LMO7: variants seen among roughly 807,000 people sequenced by gnomAD.
LMO7 encodes LIM domain 7.
LMO7 carries 120 observed loss-of-function variants against 206.5 expected under a neutral mutation model. The ratio of observed to expected loss-of-function variants is 0.58; its 90% CI spans 0.50 to 0.68. LMO7 has a LOEUF of 0.68. LMO7 is among the 30% of genes least tolerant of loss of function. LMO7 has a pLI of 0.00. For missense variants in LMO7, 1,959 were observed against 1,957.9 expected, an observed-to-expected ratio of 1.00 and a Z score of -0.01; for synonymous variants, 706 against 681.5, an observed-to-expected ratio of 1.04 and a Z score of -0.56.
chr13:75,856,450 C>A, intron 29 of LMO7, 56 bp from the exon 30 acceptor site: 1 of 1,031,356 alleles, frequency 9.7e-7, no homozygotes, highest in Non-Finnish European at 1.5e-6. Context: ...CCCAGGAGTG[C>A]CCCAAGCTTT....
intron 1 of LMO7, among the ~76,000 whole-genome samples, chr13:75,688,062 G>A (rs1031691145): frequency 3.3e-5 from 5 of 152,170 alleles, no homozygotes; most frequent in African/African-American, 9.7e-5. Context: ...CGTAAGATGT[G>A]CCCTTCTCCT....
chr13:75,695,362 G>A (rs1255111312), intron 1 of LMO7, among the ~76,000 whole-genome samples: 1 of 152,122 alleles, frequency 6.6e-6, no homozygotes, highest in Admixed American at 6.5e-5. Context: ...ATTCCATTTT[G>A]GAATTTATTT....
intron 3 of LMO7, among the ~76,000 whole-genome samples, chr13:75,732,349 TC>T (rs2045332168): frequency 7.9e-6 from 1 of 127,334 alleles, no homozygotes; most frequent in African/African-American, 3.1e-5. Flanking sequence ...TCTCTAAACT[TC>T]CCTTCTTGCT....
chr13:75,713,656 G>A (rs768181170), intron 2 of LMO7, among the ~76,000 whole-genome samples: 1 of 152,124 alleles, frequency 6.6e-6, no homozygotes, highest in Non-Finnish European at 1.5e-5. Flanking sequence ...AAATCATGAT[G>A]ATTGGAGTGG....
chr13:75,666,528 A>G (rs2039085124), intron 1 of LMO7, among the ~76,000 whole-genome samples: 1 of 152,168 alleles, frequency 6.6e-6, no homozygotes, highest in African/African-American at 2.4e-5. Context: ...TTGGTGCTGC[A>G]TTGAGAACTT....
At chr13:75,794,968 C>T (rs1429090784) in intron 4 of LMO7, among the ~76,000 whole-genome samples, 1 of 152,096 alleles carries the variant, frequency 6.6e-6, no homozygotes, top group Non-Finnish European at 1.5e-5. Context: ...CAAAAAACCC[C>T]TCGCTTTTAT....
intron 28 of LMO7, among the ~76,000 whole-genome samples, chr13:75,853,806 C>T (rs1324774636): frequency 6.6e-6 from 1 of 152,206 alleles, no homozygotes; most frequent in African/African-American, 2.4e-5. Context: ...TACAAACTCA[C>T]AGGAACTGAG....
chr13:75,824,001 G>A (rs2057862067), intron 15 of LMO7, 128 bp downstream of exon 15: 1 of 737,816 alleles, frequency 1.4e-6, no homozygotes. Context: ...TGATATTCTG[G>A]TTTACTTTGA....
In LMO7 at chr13:75,807,533, C is replaced by A. The variant is rs774648026; in HGVS notation, c.1250C>A (p.Ser417Tyr). 3 of 1,613,854 alleles carry A rather than the reference C, an allele frequency of 1.9e-6. No homozygotes were observed. Among genetic ancestry groups the A allele is most frequent in the Non-Finnish European group, 2.5e-6 (3 of 1,179,846 alleles). ...LQTYSDDILS[S>Y]ETHTKIDPTS... is the part of the protein sequence containing the mutation. ...ACATACTCTGATGACATCTTGTCTT[C>A]TGAAACACATACCAAAATTGATCCC... Residue 417 changes from serine (S) to tyrosine (Y), a missense_variant, in exon 10 of 31, where the codon TCT becomes TAT. Physicochemically the swap from Ser to Tyr is moderately radical, Grantham distance 144. Coordinates refer to ENST00000377534, the MANE Select transcript of LMO7 (RefSeq NM_001306080.2).
intron 2 of LMO7, among the ~76,000 whole-genome samples, chr13:75,726,811 T>C (rs1214940889): frequency 6.6e-6 from 1 of 152,114 alleles, no homozygotes; most frequent in Non-Finnish European, 1.5e-5. Context: ...TGTCTCCACA[T>C]AAAGGATATA....
intron 7 of LMO7, among the ~76,000 whole-genome samples, chr13:75,803,286 G>A (rs754302972): frequency 4.6e-5 from 7 of 152,212 alleles, no homozygotes; most frequent in Non-Finnish European, 1.0e-4. Flanking sequence ...CCAGGCAGGA[G>A]GGAGGGGAAG....
At chr13:75,681,706 G>GTGTGTATATATATATATA (rs1259746833) in intron 1 of LMO7, among the ~76,000 whole-genome samples, 6 of 93,308 alleles carry the variant, frequency 6.4e-5, no homozygotes, top group African/African-American at 2.2e-4. Flanking sequence ...GTATGTATGT[G>GTGTGTATATATATATATA]TATATATATA....
chr13:75,830,949 C>A (rs1171867606), intron 15 of LMO7, among the ~76,000 whole-genome samples: 1 of 151,802 alleles, frequency 6.6e-6, no homozygotes, highest in Non-Finnish European at 1.5e-5. Context: ...GTCTCTCTTC[C>A]TTATATAGCA....
At position 75,823,588 on chromosome 13, in the gene LMO7, T is replaced by C. The variant is rs2057815685; in HGVS notation, c.2664T>C (p.Asn888=). ...AGATGGATGATGCTTGGAAGTATAA[T>C]GGAGATGTTGAAGACATTAAGAGAA... ...SYTMDDAWKY[N]GDVEDIKRTP... is the part of the protein sequence containing the mutation. The change falls in exon 15 of 31, where the codon AAT becomes AAC. Residue 888 remains asparagine, a synonymous_variant. Transcript: ENST00000377534. The C allele has an allele frequency of 6.2e-7, 1 of 1,613,046 alleles. No homozygotes were observed. Among genetic ancestry groups the C allele is most frequent in the African/African-American group, 1.3e-5 (1 of 74,890 alleles).
intron 7 of LMO7, 197 bp from the exon 8 acceptor site, chr13:75,804,092 A>G (rs1035338007): frequency 3.4e-5 from 19 of 558,726 alleles, no homozygotes; most frequent in South Asian, 1.1e-4. Context: ...AATGTACTGC[A>G]TGTGCCTCCA....
chr13:75,761,615 G>A (rs1270985118), intron 4 of LMO7, among the ~76,000 whole-genome samples: 5 of 152,120 alleles, frequency 3.3e-5, no homozygotes, highest in South Asian at 2.1e-4. Context: ...GTGAGAACAC[G>A]TATGCCAGTA....
intron 24 of LMO7, among the ~76,000 whole-genome samples, chr13:75,842,415 A>G (rs1254778879): frequency 1.3e-5 from 2 of 152,156 alleles, no homozygotes; most frequent in East Asian, 3.9e-4. Flanking sequence ...CTGCTCAAAC[A>G]TCACCTCCTT....
At chr13:75,826,306 T>G (rs2058107734) in intron 15 of LMO7, among the ~76,000 whole-genome samples, 1 of 152,172 alleles carries the variant, frequency 6.6e-6, no homozygotes, top group Non-Finnish European at 1.5e-5. Context: ...CCTCCAAAAG[T>G]GCTGGGATTA....
At chr13:75,822,643 C>T (rs936604616) in intron 14 of LMO7, among the ~76,000 whole-genome samples, 4 of 151,150 alleles carry the variant, frequency 2.6e-5, no homozygotes, top group African/African-American at 9.7e-5. Flanking sequence ...AACTTTTTAC[C>T]CATCAGAGTG....
Sources: gnomAD v4.1 joint callset for allele counts (sites outside exome capture counted in the v4.1 genomes callset) on GRCh38, gnomAD v4.1.1 for gene constraint, MANE v1.5 for transcripts, NCBI Gene and HGNC (gene_info 2026-07-23, HGNC 2026-07-21) for gene names.